The following YIPF1 variants were observed in gnomAD, a reference collection of about 807,000 sequenced individuals.
YIPF1 encodes the protein protein YIPF1.
A neutral mutation model predicts 37.0 loss-of-function variants in YIPF1; 22 were observed. The ratio of observed to expected loss-of-function variants is 0.59; its 90% CI spans 0.42 to 0.85. The LOEUF is 0.85. Ranked by LOEUF, YIPF1 falls within the 40% of genes least tolerant of loss-of-function variation. YIPF1 has a pLI of 0.00. For missense variants in YIPF1, 355 were observed against 373.1 expected (o/e 0.95, Z 0.40); for synonymous variants, 128 against 131.9 (o/e 0.97, Z 0.21).
intron 10 of YIPF1, among the ~76,000 whole-genome samples, chr1:53,854,271 A>T (rs199764029): frequency 1.4e-5 from 2 of 140,378 alleles, no homozygotes; most frequent in Non-Finnish European, 3.1e-5. Flanking sequence ...AAAAAAAAAA[A>T]TTCCTTCTCC....
At chr1:53,875,722 T>C (rs534118228) in intron 6 of YIPF1, among the ~76,000 whole-genome samples, 1 of 152,206 alleles carries the variant, frequency 6.6e-6, no homozygotes, top group Non-Finnish European at 1.5e-5. Flanking sequence ...CTAGGCTAGC[T>C]CTTGCCTCAG....
In YIPF1 at chr1:53,866,923, C is replaced by T; in HGVS notation, c.483G>A (p.Val161=). ...CATAGATGATGGTAGCTGCTATGGACACTGAGGATGACAGGACACAAGTTT... is the reference window on the plus strand; with the variant it reads ...CATAGATGATGGTAGCTGCTATGGATACTGAGGATGACAGGACACAAGTTT... ...TYHYVPEFRK[V]SIAATIIYAY... Residue 161 remains valine (V), a splice_region_variant and synonymous_variant, in exon 8 of 11, where the codon GTG becomes GTA. Coordinates refer to ENST00000072644, the MANE Select transcript of YIPF1 (RefSeq NM_018982.5). 1.9e-6 allele frequency: 3 copies of T among 1,608,732 alleles called. No individual in the cohort carries two copies. The highest frequency in any genetic ancestry group is 2.5e-6 in the Non-Finnish European group (3 of 1,177,726).
At position 53,866,938 on chromosome 1, in the gene YIPF1, G is replaced by A. The variant is rs772668460; in HGVS notation, c.482-14C>T. 1.5e-5 allele frequency: 24 copies of A among 1,599,668 alleles called. No homozygotes were observed. Among genetic ancestry groups the A allele is most frequent in the African/African-American group, 9.4e-5 (7 of 74,306 alleles). On this transcript the variant is annotated splice_polypyrimidine_tract_variant and intron_variant, in intron 7 of 10. Coordinates refer to ENST00000072644, the MANE Select transcript of YIPF1 (RefSeq NM_018982.5). The stretch of plus-strand genomic sequence containing the variant: ...CTGCTATGGACACTGAGGATGACAG[G>A]ACACAAGTTTCAATCTCCATCATGC...
chr1:53,864,946 T>C (rs971769928), intron 9 of YIPF1, among the ~76,000 whole-genome samples: 13 of 152,140 alleles, frequency 8.5e-5, no homozygotes, highest in African/African-American at 2.9e-4. Context: ...GAAATTAAGA[T>C]TCAGAGAGGA....
chr1:53,869,990 A>C (rs1251182175), intron 7 of YIPF1, among the ~76,000 whole-genome samples: 2 of 148,006 alleles, frequency 1.4e-5, no homozygotes, highest in Non-Finnish European at 3.0e-5. Context: ...CTCCTGCCTC[A>C]GCCTCCTGAT....
At chr1:53,885,879 G>A (rs1017480120) in intron 3 of YIPF1, among the ~76,000 whole-genome samples, 3 of 150,972 alleles carry the variant, frequency 2.0e-5, no homozygotes, top group African/African-American at 7.3e-5. Flanking sequence ...TAATACAAAG[G>A]ATAAATGCTT....
At chr1:53,874,946 G>A (rs1437320606) in intron 6 of YIPF1, among the ~76,000 whole-genome samples, 1 of 151,954 alleles carries the variant, frequency 6.6e-6, no homozygotes, top group East Asian at 1.9e-4. Flanking sequence ...CCTGCTGATG[G>A]ATATCTTGGT....
intron 3 of YIPF1, among the ~76,000 whole-genome samples, chr1:53,885,328 A>T (rs1351162270): frequency 6.6e-6 from 1 of 152,234 alleles, no homozygotes; most frequent in Non-Finnish European, 1.5e-5. Flanking sequence ...AAAAAGCAGT[A>T]GTTAAAATAA....
intron 6 of YIPF1, 78 bp downstream of exon 6, chr1:53,878,237 T>C: frequency 7.0e-7 from 1 of 1,425,350 alleles, no homozygotes; most frequent in Non-Finnish European, 9.8e-7. Context: ...AATAGTGCAG[T>C]TCTCCACATT....
At position 53,889,290 on chromosome 1, in the gene YIPF1, A is replaced by T. The variant is rs1650740220; in HGVS notation, c.-96T>A. The T allele has an allele frequency of 9.9e-6, 2 of 202,690 alleles. No homozygotes were observed. Among genetic ancestry groups the T allele is most frequent in the South Asian group, 2.0e-4 (2 of 9,968 alleles). 12.6% of individuals were successfully genotyped at this position (202,690 alleles called of 1,614,324 possible). ...GGTGCAGCCTAGAGATGTAACGATG[A>T]GGAAGGAGAGGCTGAGGTTTGAAAG... On this transcript the variant is annotated 5_prime_UTR_variant, in exon 2 of 11. Transcript: ENST00000072644.
At position 53,883,127 on chromosome 1, in the gene YIPF1, A is replaced by G; in HGVS notation, c.181T>C (p.Ser61Pro). Reference protein sequence around the residue: ...EDDELLGNDDSDKTELLAGQK... With the variant: ...EDDELLGNDDPDKTELLAGQK... ...CAAGTTCAAACCTCAGTTTTGTCAG[A>G]GTCATCATTTCCCAGTAACTCATCA... The change falls in exon 4 of 11, where the codon TCT (serine) becomes CCT (proline). Residue 61 changes from serine (S) to proline (P), a missense_variant. Ser to Pro is a moderately conservative substitution (Grantham distance 74, BLOSUM62 -1). Coordinates refer to ENST00000072644, the MANE Select transcript of YIPF1 (RefSeq NM_018982.5). 1 of 1,575,780 alleles carries G rather than the reference A, an allele frequency of 6.3e-7. No individual in the cohort carries two copies. The highest frequency in any genetic ancestry group is 8.6e-7 in the Non-Finnish European group (1 of 1,167,366).
At chr1:53,868,597 T>C (rs1397972639) in intron 7 of YIPF1, among the ~76,000 whole-genome samples, 1 of 152,234 alleles carries the variant, frequency 6.6e-6, no homozygotes, top group Non-Finnish European at 1.5e-5. Flanking sequence ...ATATTGTCAT[T>C]TTAGAGATGA....
chr1:53,878,489 G>C (rs1480893151), intron 5 of YIPF1, 87 bp from the exon 6 acceptor site: 2 of 1,505,226 alleles, frequency 1.3e-6, no homozygotes, highest in African/African-American at 2.8e-5. Context: ...AGTCATTAGA[G>C]CTTTTATGAT....
At chr1:53,870,842 C>G (rs1650168200) in intron 7 of YIPF1, among the ~76,000 whole-genome samples, 1 of 151,408 alleles carries the variant, frequency 6.6e-6, no homozygotes, top group Non-Finnish European at 1.5e-5. Context: ...GGAGACCTAT[C>G]TCTATAAAAA....
chr1:53,853,299 C>A lies in YIPF1; in HGVS notation c.*9-1029G>T, dbSNP rs117676987. ...GCCAGGCGAGGGTGTAATAAAGAAT[C>A]TAACCTACTCTGCAGTCAGGGACAG... On this transcript the variant is annotated intron_variant, in intron 10 of 10. Coordinates refer to ENST00000072644, the MANE Select transcript of YIPF1 (RefSeq NM_018982.5). Among the ~76,000 whole-genome samples the A allele has an allele frequency of 2.0e-4, 30 of 152,296 alleles. 1 individual carries two copies. The East Asian group carries it at 5.8e-3, about 29-fold the overall frequency.
At chr1:53,861,016 T>C (rs1649857239) in intron 9 of YIPF1, among the ~76,000 whole-genome samples, 1 of 152,238 alleles carries the variant, frequency 6.6e-6, no homozygotes, top group Non-Finnish European at 1.5e-5. Context: ...GAAGGTACAC[T>C]GTTGGAAAGC....
At chr1:53,879,101 C>CAT (rs1553155475) in intron 4 of YIPF1, among the ~76,000 whole-genome samples, 2 of 146,714 alleles carry the variant, frequency 1.4e-5, no homozygotes, top group Admixed American at 1.4e-4. Context: ...TATCTTTTCG[C>CAT]TTTTTTTTTT....
chr1:53,860,057 T>A lies in YIPF1; in HGVS notation c.*7A>T. The A allele has an allele frequency of 6.2e-7, 1 of 1,613,906 alleles. No homozygotes were observed. The highest frequency in any genetic ancestry group is 8.5e-7 in the Non-Finnish European group (1 of 1,179,838). The stretch of plus-strand genomic sequence containing the variant: ...CAAAATAAAAATAGAATCTCTTACT[T>A]TCCTCATTAGCTGGACTTGGCTGCA... On this transcript the variant is annotated splice_region_variant and 3_prime_UTR_variant, in exon 10 of 11. Transcript: ENST00000072644.
At chr1:53,886,004 A>T (rs571856827) in intron 3 of YIPF1, among the ~76,000 whole-genome samples, 1 of 151,954 alleles carries the variant, frequency 6.6e-6, no homozygotes, top group East Asian at 1.9e-4. Flanking sequence ...CATGAAAATT[A>T]AAAAATTTTT....
Sources: allele counts gnomAD v4.1 joint callset (sites outside exome capture counted in the v4.1 genomes callset), GRCh38; gene constraint gnomAD v4.1.1; transcripts MANE v1.5; gene names NCBI Gene and HGNC (gene_info 2026-07-23, HGNC 2026-07-21).